Variants in PIK3C2A observed in about 807,000 individuals in gnomAD.
The protein encoded by PIK3C2A is phosphatidylinositol-4-phosphate 3-kinase catalytic subunit type 2 alpha.
A neutral mutation model predicts 204.5 loss-of-function variants in PIK3C2A; 97 were observed. The ratio of observed to expected loss-of-function variants is 0.47; its 90% CI spans 0.40 to 0.56. The LOEUF is 0.56. PIK3C2A is among the 20% of genes least tolerant of loss of function. The pLI, the probability that PIK3C2A is intolerant of heterozygous loss-of-function variation, is 0.00. For missense variants in PIK3C2A, 1,735 were observed against 1,969.2 expected (o/e 0.88, Z 2.25); for synonymous variants, 653 against 664.4 (o/e 0.98, Z 0.26).
intron 1 of PIK3C2A, among the ~76,000 whole-genome samples, chr11:17,182,743 T>A (rs990198006): frequency 6.6e-6 from 1 of 152,290 alleles, no homozygotes; most frequent in Admixed American, 6.5e-5. Flanking sequence ...TAACAAACTT[T>A]ATAAAATAGA....
At chr11:17,146,726 GA>G (rs142273834) in intron 6 of PIK3C2A, among the ~76,000 whole-genome samples, 21 of 133,484 alleles carry the variant, frequency 1.6e-4, no homozygotes, top group Non-Finnish European at 1.8e-4. Flanking sequence ...GTCTCCAAAA[GA>G]AAAAAAAAAA....
intron 1 of PIK3C2A, among the ~76,000 whole-genome samples, chr11:17,193,258 A>G (rs1490598323): frequency 6.6e-6 from 1 of 152,236 alleles, no homozygotes; most frequent in Non-Finnish European, 1.5e-5. Context: ...AAAATGAACT[A>G]AGACATTCTT....
At chr11:17,090,117 C>T (rs1254316373) in intron 32 of PIK3C2A, among the ~76,000 whole-genome samples, 197 bp from the exon 33 acceptor site, 2 of 152,178 alleles carry the variant, frequency 1.3e-5, no homozygotes, top group East Asian at 1.9e-4. Context: ...ATTGTACTAT[C>T]ATTCCTGTGA....
intron 1 of PIK3C2A, among the ~76,000 whole-genome samples, chr11:17,181,840 C>T (rs1341766555): frequency 6.6e-6 from 1 of 151,782 alleles, no homozygotes; most frequent in Admixed American, 6.6e-5. Flanking sequence ...ACCTGTAATC[C>T]CAGCACTTTG....
At chr11:17,176,895 T>G (rs1465949909) in intron 1 of PIK3C2A, among the ~76,000 whole-genome samples, 1 of 152,206 alleles carries the variant, frequency 6.6e-6, no homozygotes, top group Non-Finnish European at 1.5e-5. Context: ...TATCTATGTA[T>G]AGAGATATAT....
chr11:17,116,677 C>A (rs113927095), intron 19 of PIK3C2A, among the ~76,000 whole-genome samples: 1,638 of 152,056 alleles, frequency 0.011, 11 homozygotes, highest in Non-Finnish European at 0.018. Flanking sequence ...GCAAGCTCCG[C>A]CTCCCGGGTT....
chr11:17,095,845 G>A (rs575891396), intron 27 of PIK3C2A, among the ~76,000 whole-genome samples: 34 of 148,962 alleles, frequency 2.3e-4, no homozygotes, highest in African/African-American at 8.1e-4. Context: ...TTGAACCTGG[G>A]AGGCACAGGT....
chr11:17,152,169 G>GT (rs1190389864), intron 3 of PIK3C2A, among the ~76,000 whole-genome samples: 4 of 152,074 alleles, frequency 2.6e-5, no homozygotes, highest in Non-Finnish European at 5.9e-5. Flanking sequence ...ATGTAATTAT[G>GT]TCACTGAACC....
rs762174353 is a variant in PIK3C2A, at chr11:17,145,893, A to G, written c.1610T>C (p.Ile537Thr). 31 of 1,613,502 alleles carry G rather than the reference A, an allele frequency of 1.9e-5. No individual in the cohort carries two copies. The highest frequency in any genetic ancestry group is 4.0e-5 in the African/African-American group (3 of 74,912). ...CATGGCTTCTTTGCAAGGTTTTTCTATTTGATACAGGTGTTTGTTTAAATC... is the reference window on the plus strand; with the variant it reads ...CATGGCTTCTTTGCAAGGTTTTTCTGTTTGATACAGGTGTTTGTTTAAATC... ...PVDLNKHLYQ[I>T]EKPCKEAMTR... The change falls in exon 7 of 33, where the codon ATA (isoleucine) becomes ACA (threonine). Residue 537 changes from isoleucine to threonine, a missense_variant. Transcript: ENST00000691414.
At chr11:17,130,454 G>A (rs1849657311) in intron 12 of PIK3C2A, among the ~76,000 whole-genome samples, 1 of 152,140 alleles carries the variant, frequency 6.6e-6, no homozygotes, top group South Asian at 2.1e-4. Flanking sequence ...GGAACGAATA[G>A]TAAAAAGTTC....
chr11:17,114,944 A>C (rs1010232273), intron 19 of PIK3C2A, among the ~76,000 whole-genome samples: 1 of 152,244 alleles, frequency 6.6e-6, no homozygotes, highest in African/African-American at 2.4e-5. Flanking sequence ...CAAAGAAATA[A>C]AAATGTACAC....
chr11:17,190,259 T>C (rs1851895629), intron 1 of PIK3C2A, among the ~76,000 whole-genome samples: 1 of 150,372 alleles, frequency 6.7e-6, no homozygotes, highest in Non-Finnish European at 1.5e-5. Context: ...TGAGACTCCA[T>C]CTCAAAAAAA....
intron 1 of PIK3C2A, among the ~76,000 whole-genome samples, chr11:17,171,388 T>C (rs2137495424): frequency 6.6e-6 from 1 of 152,244 alleles, no homozygotes; most frequent in African/African-American, 2.4e-5. Context: ...ACACAATGCT[T>C]GTCTACCGTA....
intron 26 of PIK3C2A, 62 bp from the exon 27 acceptor site, chr11:17,097,326 GT>G: frequency 9.6e-7 from 1 of 1,044,528 alleles, no homozygotes; most frequent in Non-Finnish European, 1.4e-6. Flanking sequence ...TTCTTTCAAT[GT>G]AATAAATGAC....
intron 1 of PIK3C2A, among the ~76,000 whole-genome samples, chr11:17,191,956 A>C (rs1851958949): frequency 6.6e-6 from 1 of 151,470 alleles, no homozygotes; most frequent in Non-Finnish European, 1.5e-5. Flanking sequence ...AACATAAGGA[A>C]ACCCTGCTTC....
intron 1 of PIK3C2A, among the ~76,000 whole-genome samples, chr11:17,202,853 C>T (rs1307117385): frequency 6.6e-6 from 1 of 152,136 alleles, no homozygotes; most frequent in Non-Finnish European, 1.5e-5. Flanking sequence ...GCTCAGTGCA[C>T]AGCAAATTAA....
At chr11:17,193,718 C>G (rs565774201) in intron 1 of PIK3C2A, among the ~76,000 whole-genome samples, 1 of 151,088 alleles carries the variant, frequency 6.6e-6, no homozygotes, top group Non-Finnish European at 1.5e-5. Flanking sequence ...TGATGGCGCG[C>G]GTCTGTAGTC....
chr11:17,169,736 A>T lies in PIK3C2A; in HGVS notation c.6T>A (p.Ala2=). M[A]QISSNSGFKE... is the part of the protein sequence containing the mutation. The stretch of plus-strand genomic sequence containing the variant: ...TAAATCCGCTGTTGCTAGATATCTG[A>T]GCCATGTCCACTAAAAAGACCAAAC... Residue 2 remains alanine, a synonymous_variant, in exon 2 of 33, where the codon GCT becomes GCA. Transcript: ENST00000691414. 1 of 1,583,860 alleles carries T rather than the reference A, an allele frequency of 6.3e-7. No homozygotes were observed. Among genetic ancestry groups the T allele is most frequent in the Admixed American group, 1.8e-5 (1 of 54,850 alleles).
chr11:17,125,307 C>A (rs1849487303), intron 13 of PIK3C2A, among the ~76,000 whole-genome samples: 1 of 152,018 alleles, frequency 6.6e-6, no homozygotes, highest in South Asian at 2.1e-4. Flanking sequence ...CTGAGGGGGA[C>A]AACTGGCATC....
Sources: allele counts gnomAD v4.1 joint callset (sites outside exome capture counted in the v4.1 genomes callset), GRCh38; gene constraint gnomAD v4.1.1; transcripts MANE v1.5; gene names NCBI Gene and HGNC (gene_info 2026-07-23, HGNC 2026-07-21).